Variants in VASP observed in about 807,000 individuals in gnomAD.
VASP encodes the protein vasodilator-stimulated phosphoprotein.
VASP carries 27 observed loss-of-function variants against 54.4 expected under a neutral mutation model. The observed-to-expected ratio is 0.50, with a 90% CI of 0.37 to 0.68. The LOEUF (loss-of-function observed/expected upper bound fraction) is 0.68. Ranked by LOEUF, VASP falls within the 30% of genes least tolerant of loss-of-function variation. The probability of loss-of-function intolerance (pLI) is 0.00; values close to 1 mark genes in which losing one functional copy is unlikely to be tolerated. For missense variants in VASP, 488 were observed against 528.3 expected, an observed-to-expected ratio of 0.92 and a Z score of 0.75; for synonymous variants, 233 against 209.8, an observed-to-expected ratio of 1.11 and a Z score of -0.96.
rs1423947199 is a variant in VASP at position 45,523,569 on chromosome 19, A to G, written c.822-75A>G. Reference sequence around the variant, plus strand: ...TCCAGAATTCTATGCGCTAGGATCTACATTTCTAGAACTCCCCTCAGAAGG... The same window carrying G: ...TCCAGAATTCTATGCGCTAGGATCTGCATTTCTAGAACTCCCCTCAGAAGG... On this transcript the variant is annotated intron_variant, in intron 7 of 12. Coordinates refer to ENST00000245932, the MANE Select transcript of VASP (RefSeq NM_003370.4). 15 of 1,538,932 alleles carry G rather than the reference A, an allele frequency of 9.7e-6. No homozygotes were observed. In the East Asian group the frequency reaches 2.5e-4, roughly 26 times the overall value.
At chr19:45,515,454 C>G (rs1318241153) in intron 1 of VASP, among the ~76,000 whole-genome samples, 2 of 152,160 alleles carry the variant, frequency 1.3e-5, no homozygotes, top group African/African-American at 4.8e-5. Context: ...TTGTAGCTGT[C>G]CCGGGCCCCA....
intron 11 of VASP, 31 bp downstream of exon 11, chr19:45,524,691 C>T (rs753544722): frequency 6.2e-7 from 1 of 1,600,934 alleles, no homozygotes; most frequent in Non-Finnish European, 8.5e-7. Context: ...GGGACCACAG[C>T]AAGAGAGATC....
At position 45,526,140 on chromosome 19, in the gene VASP, C is replaced by T. The variant is rs1968962112; in HGVS notation, c.1106C>T (p.Ala369Val). ...ACCTCTGCTCCTTGTTTCCTTCCAG[C>T]CTTCGTCCAGGAGCTGAGGAAGCGG... The part of the protein sequence containing the change: ...LQKVKEEIIE[A>V]FVQELRKRGS... The change falls in exon 13 of 13, where the codon GCC becomes GTC. Residue 369 changes from alanine (A) to valine (V), a missense_variant and splice_region_variant. Physicochemically the swap from Ala to Val is moderately conservative, Grantham distance 64. This residue lies in a region of VASP where 126 missense variants were observed against 134.8 expected (regional missense o/e 0.94). Transcript: ENST00000245932. The T allele has an allele frequency of 6.2e-7, 1 of 1,613,750 alleles. No individual in the cohort carries two copies. The highest frequency in any genetic ancestry group is 1.3e-5 in the African/African-American group (1 of 74,886).
intron 7 of VASP, 127 bp downstream of exon 7, chr19:45,522,945 T>C: frequency 1.0e-6 from 1 of 979,128 alleles, no homozygotes; most frequent in Admixed American, 3.2e-5. Context: ...TAACCAGGTT[T>C]GGGATATAAT....
At chr19:45,513,467 CCTTT>C (rs1301815006) in intron 1 of VASP, among the ~76,000 whole-genome samples, 3 of 114,808 alleles carry the variant, frequency 2.6e-5, no homozygotes, top group African/African-American at 7.3e-5. Context: ...TAGTCTCTCT[CCTTT>C]TTTTTTTTTT....
intron 1 of VASP, among the ~76,000 whole-genome samples, chr19:45,512,688 C>T (rs1225798180): frequency 6.6e-6 from 1 of 152,126 alleles, no homozygotes; most frequent in East Asian, 1.9e-4. Context: ...CAACCTCCGC[C>T]TCCTGGGTTC....
At position 45,522,701 on chromosome 19, in the gene VASP, CT is replaced by C; in HGVS notation, c.721-13del. On this transcript the variant is annotated splice_polypyrimidine_tract_variant and intron_variant, in intron 6 of 12. Transcript: ENST00000245932. Reference sequence around the variant, plus strand: ...AGGCCTGCCCCTAAAGCTCCTGCCCCTTTTAAATTTCTCCAGCAGGAGGAGG... The same window carrying C: ...AGGCCTGCCCCTAAAGCTCCTGCCCCTTTAAATTTCTCCAGCAGGAGGAGG... 1 of 1,603,932 alleles carries C rather than the reference CT, an allele frequency of 6.2e-7. No individual in the cohort carries two copies. The highest frequency in any genetic ancestry group is 1.8e-5 in the Admixed American group (1 of 56,330).
At position 45,525,832 on chromosome 19, in the gene VASP, G is replaced by A. The variant is rs147549177; in HGVS notation, c.1048-114G>A. ...TGCAATGAGCTGTGATCATGCCATT[G>A]CACCCTAGCCTGGGCAACAGAGCAA... On this transcript the variant is annotated intron_variant, in intron 11 of 12. Coordinates refer to ENST00000245932, the MANE Select transcript of VASP (RefSeq NM_003370.4). The A allele has an allele frequency of 1.2e-3, 1,249 of 1,037,296 alleles. 3 individuals carry two copies. The highest frequency in any genetic ancestry group is 1.6e-3 in the Non-Finnish European group (1,139 of 698,404). The allele number at this position is 1,037,296 out of a possible 1,614,324, so 64.3% of individuals were successfully genotyped here.
In VASP at chr19:45,519,715, C is replaced by G. The variant is rs201234495; in HGVS notation, c.344-1607C>G. On this transcript the variant is annotated intron_variant, in intron 3 of 12. Coordinates refer to ENST00000245932, the MANE Select transcript of VASP (RefSeq NM_003370.4). ...GGTAAATGCCATTCTCCTGCCTCAG[C>G]CTCCCGAGTAGCTGGGACTACAGGC... 2.3e-4 allele frequency among the ~76,000 whole-genome samples: 35 copies of G among 151,220 alleles called. No homozygotes were observed. In the East Asian group the frequency reaches 6.6e-3, roughly 29 times the overall value.
At chr19:45,518,152 G>T in intron 3 of VASP, 58 bp downstream of exon 3, 1 of 1,573,994 alleles carries the variant, frequency 6.4e-7, no homozygotes, top group South Asian at 1.2e-5. Context: ...GCCTGGGGCT[G>T]CCGCTTTACC....
intron 1 of VASP, among the ~76,000 whole-genome samples, chr19:45,516,315 G>T (rs1029951478): frequency 1.3e-5 from 2 of 152,236 alleles, no homozygotes; most frequent in African/African-American, 4.8e-5. Flanking sequence ...CTGGGGAATG[G>T]CCGCTAGTGC....
At position 45,526,376 on chromosome 19, in the gene VASP, GC is replaced by G. The variant is rs1461242889; in HGVS notation, c.*204del. On this transcript the variant is annotated 3_prime_UTR_variant, in exon 13 of 13. Coordinates refer to ENST00000245932, the MANE Select transcript of VASP (RefSeq NM_003370.4). ...CACTGGCTGCTGATTGGCTGGGGAGGCCCCCGCCCTTTTCTCCCTTTGGTCC... is the reference window on the plus strand; with the variant it reads ...CACTGGCTGCTGATTGGCTGGGGAGGCCCCGCCCTTTTCTCCCTTTGGTCC... 12 of 609,888 alleles carry G rather than the reference GC, an allele frequency of 2.0e-5. No homozygotes were observed. Among genetic ancestry groups the G allele is most frequent in the East Asian group, 3.2e-5 (1 of 31,126 alleles). 37.8% of individuals were successfully genotyped at this position (609,888 alleles called of 1,614,324 possible).
rs967027727 is a variant in VASP, at chr19:45,507,944, TCTC to T, written c.5+170_5+172del. Among the ~76,000 whole-genome samples the T allele has an allele frequency of 4.0e-5, 6 of 151,882 alleles. No individual in the cohort carries two copies. Among genetic ancestry groups the T allele is most frequent in the African/African-American group, 1.5e-4 (6 of 41,324 alleles). On this transcript the variant is annotated intron_variant, in intron 1 of 12. Coordinates refer to ENST00000245932, the MANE Select transcript of VASP (RefSeq NM_003370.4). This position sits in a 1 kb window ranked among gnomAD's most constrained non-coding sequence, Gnocchi z 4.4. ...ACGCGCCCCAGAACCGTCGATCACT[TCTC>T]CACGACTGACTCCCCAAGCTCGGGG...
At position 45,526,196 on chromosome 19, in the gene VASP, C is replaced by A; in HGVS notation, c.*19C>A. The A allele has an allele frequency of 6.3e-7, 1 of 1,596,436 alleles. No homozygotes were observed. The highest frequency in any genetic ancestry group is 8.5e-7 in the Non-Finnish European group (1 of 1,175,694). On this transcript the variant is annotated 3_prime_UTR_variant, in exon 13 of 13. Coordinates refer to ENST00000245932, the MANE Select transcript of VASP (RefSeq NM_003370.4). ...TCCCTGACCACAGGGACCCAGAAGA[C>A]CCGCTTCTCCTTTCCGCACACCCGG...
In VASP at chr19:45,523,112, C is replaced by T. The variant is rs539706861; in HGVS notation, c.821+294C>T. Among the ~76,000 whole-genome samples, 87 of 151,866 alleles carry T rather than the reference C, an allele frequency of 5.7e-4. 1 individual carries two copies. The highest frequency in any genetic ancestry group is 1.6e-3 in the Admixed American group (24 of 15,204). ...AGTGTTCCAACACAGCACCGCTCCA[C>T]CCTCGGAATCTTACTGTTCCCTAAT... On this transcript the variant is annotated intron_variant, in intron 7 of 12. Transcript: ENST00000245932.
At chr19:45,523,547 A>G in intron 7 of VASP, 97 bp from the exon 8 acceptor site, 2 of 1,419,598 alleles carry the variant, frequency 1.4e-6, no homozygotes, top group Non-Finnish European at 1.9e-6. Flanking sequence ...TCGGAGTTCC[A>G]GAATTCTATG....
At chr19:45,522,970 T>A in intron 7 of VASP, 152 bp downstream of exon 7, 2 of 827,288 alleles carry the variant, frequency 2.4e-6, no homozygotes, top group South Asian at 3.6e-5. Context: ...GGGTTTGTCA[T>A]GAAATGCCTG....
chr19:45,523,721 A>G lies in VASP; in HGVS notation c.873+26A>G, dbSNP rs370291821. Reference sequence around the variant, plus strand: ...GTAAGTCAGGGACTCTTCTTGCCCTACATCTCTTAGGCCGTACCATGAGGG... The same window carrying G: ...GTAAGTCAGGGACTCTTCTTGCCCTGCATCTCTTAGGCCGTACCATGAGGG... On this transcript the variant is annotated intron_variant, in intron 8 of 12. Coordinates refer to ENST00000245932, the MANE Select transcript of VASP (RefSeq NM_003370.4). 4.3e-5 allele frequency: 70 copies of G among 1,613,878 alleles called. No homozygotes were observed. The Admixed American group carries it at 6.0e-4, about 14-fold the overall frequency.
chr19:45,517,873 C>T (rs758010356), intron 2 of VASP, 39 bp downstream of exon 2: 2 of 1,595,258 alleles, frequency 1.3e-6, no homozygotes, highest in Admixed American at 1.7e-5. Flanking sequence ...GGCTGAACCC[C>T]TACCCGCCCC....
Sources: allele counts gnomAD v4.1 joint callset (sites outside exome capture counted in the v4.1 genomes callset), GRCh38; gene constraint gnomAD v4.1.1; regional missense constraint gnomAD v4.1.1; non-coding constraint Gnocchi (gnomAD v3.1); transcripts MANE v1.5; gene names NCBI Gene and HGNC (gene_info 2026-07-23, HGNC 2026-07-21).